Variants in RALGPS1 observed in about 807,000 individuals in gnomAD.
RALGPS1 encodes the protein ras-specific guanine nucleotide-releasing factor RalGPS1.
RALGPS1 carries 19 observed loss-of-function variants against 78.8 expected under a neutral mutation model. That is an observed-to-expected ratio of 0.24 (90% CI 0.17 to 0.35). RALGPS1 has a LOEUF of 0.35. RALGPS1 is among the 10% of genes least tolerant of loss of function. RALGPS1 has a pLI of 1.00. For missense variants in RALGPS1, 454 were observed against 688.3 expected (o/e 0.66, Z 3.81); for synonymous variants, 228 against 256.3 (o/e 0.89, Z 1.06).
intron 1 of RALGPS1, among the ~76,000 whole-genome samples, chr9:126,939,723 A>T (rs1035214840): frequency 6.6e-6 from 1 of 152,252 alleles, no homozygotes; most frequent in Non-Finnish European, 1.5e-5. Flanking sequence ...TGAGACAGAC[A>T]TAGAGGGTGA....
chr9:127,030,024 T>G (rs2046294933), intron 4 of RALGPS1, among the ~76,000 whole-genome samples: 1 of 152,226 alleles, frequency 6.6e-6, no homozygotes, highest in Non-Finnish European at 1.5e-5. Context: ...CACAGTGTCT[T>G]TGTGATAAAC....
At chr9:127,214,501 CATT>C (rs1564809820) in intron 17 of RALGPS1, among the ~76,000 whole-genome samples, 1 of 152,114 alleles carries the variant, frequency 6.6e-6, no homozygotes, top group Non-Finnish European at 1.5e-5. Flanking sequence ...CATTTGGAAA[CATT>C]ATTCTGAGGA....
At chr9:127,140,090 C>A (rs115428254) in intron 8 of RALGPS1, among the ~76,000 whole-genome samples, 1,748 of 152,232 alleles carry the variant, frequency 0.011, 39 homozygotes, top group East Asian at 0.052. Flanking sequence ...ATTGTTGTCA[C>A]CCTTATCACA....
chr9:127,028,878 A>G (rs751295322), intron 4 of RALGPS1, among the ~76,000 whole-genome samples: 11 of 152,160 alleles, frequency 7.2e-5, no homozygotes, highest in Non-Finnish European at 1.5e-4. Context: ...AGCCTGGTCC[A>G]TGTAAGTCCC....
intron 8 of RALGPS1, among the ~76,000 whole-genome samples, chr9:127,125,906 A>G (rs2056579530): frequency 6.6e-6 from 1 of 152,180 alleles, no homozygotes; most frequent in Admixed American, 6.5e-5. Context: ...CGTAAGAATG[A>G]TTTCGTGTCT....
Position 126,932,040 on chromosome 9 carries a change from A to G in RALGPS1, c.-66+17065A>G, listed in dbSNP as rs2035841629. Among the ~76,000 whole-genome samples the G allele has an allele frequency of 2.6e-5, 4 of 152,224 alleles. No individual in the cohort carries two copies. In the South Asian group the frequency reaches 8.3e-4, roughly 32 times the overall value. On this transcript the variant is annotated intron_variant, in intron 1 of 18. Coordinates refer to ENST00000259351, the MANE Select transcript of RALGPS1 (RefSeq NM_014636.3). ...CTGTTGTTAGGCTGTTACGTTGGAA[A>G]CAATACTTGGCCATGGTGGAAACCT...
intron 3 of RALGPS1, among the ~76,000 whole-genome samples, chr9:126,974,349 T>C (rs1226978190): frequency 6.6e-6 from 1 of 152,174 alleles, no homozygotes; most frequent in Non-Finnish European, 1.5e-5. Context: ...TCTTTGGAGC[T>C]GATTACTCTG....
chr9:127,002,968 G>A (rs1226547741), intron 4 of RALGPS1, among the ~76,000 whole-genome samples: 3 of 152,098 alleles, frequency 2.0e-5, no homozygotes, highest in Non-Finnish European at 4.4e-5. Flanking sequence ...ACCCAGTAAT[G>A]GGATGGCTGG....
intron 5 of RALGPS1, among the ~76,000 whole-genome samples, chr9:127,044,176 G>T (rs2047554299): frequency 6.6e-6 from 1 of 152,142 alleles, no homozygotes; most frequent in South Asian, 2.1e-4. Context: ...ATAAACCATG[G>T]TAAATCCATA....
chr9:127,082,534 A>T (rs1047914257), intron 8 of RALGPS1, among the ~76,000 whole-genome samples: 3 of 152,076 alleles, frequency 2.0e-5, no homozygotes, highest in African/African-American at 7.2e-5. Context: ...CAGATGTATT[A>T]CTGAGTGATA....
rs1440295607 is a variant in RALGPS1, at chr9:127,052,888, G to T, written c.432G>T (p.Val144=). ...ACAACCTTCATTCTCTCATGTCTGT[G>T]GTATCAGCATTACAAAGTGCTCCCA... is the stretch of plus-strand genomic sequence containing the variant. The part of the protein sequence containing the change: ...ELNNLHSLMS[V]VSALQSAPIF... The change falls in exon 7 of 19, where the codon GTG becomes GTT. Residue 144 remains valine, a synonymous_variant. Coordinates refer to ENST00000259351, the MANE Select transcript of RALGPS1 (RefSeq NM_014636.3). The T allele has an allele frequency of 6.2e-7, 1 of 1,610,844 alleles. No homozygotes were observed. Among genetic ancestry groups the T allele is most frequent in the South Asian group, 1.1e-5 (1 of 90,990 alleles).
At chr9:126,985,660 C>T (rs976576857) in intron 4 of RALGPS1, among the ~76,000 whole-genome samples, 1 of 152,158 alleles carries the variant, frequency 6.6e-6, no homozygotes, top group South Asian at 2.1e-4. Flanking sequence ...TTAACATTTT[C>T]TTGCAGTTAG....
intron 11 of RALGPS1, among the ~76,000 whole-genome samples, chr9:127,190,811 G>A (rs2060987064): frequency 6.6e-6 from 1 of 152,186 alleles, no homozygotes; most frequent in South Asian, 2.1e-4. Flanking sequence ...CCTTTATTCA[G>A]CACTGCTCAT....
chr9:126,950,939 AAAG>A (rs1163545235), intron 1 of RALGPS1, among the ~76,000 whole-genome samples: 4 of 152,156 alleles, frequency 2.6e-5, no homozygotes, highest in Non-Finnish European at 4.4e-5. Flanking sequence ...ATAAAGAAAA[AAAG>A]AGAGAAGAAT....
At chr9:127,037,627 C>T (rs986807258) in intron 5 of RALGPS1, among the ~76,000 whole-genome samples, 3 of 152,240 alleles carry the variant, frequency 2.0e-5, no homozygotes, top group Non-Finnish European at 2.9e-5. Context: ...CCAGGTTCTG[C>T]TTTCCTCTGA....
At chr9:127,193,865 C>T (rs2061210829) in intron 11 of RALGPS1, among the ~76,000 whole-genome samples, 1 of 152,218 alleles carries the variant, frequency 6.6e-6, no homozygotes, top group Non-Finnish European at 1.5e-5. Flanking sequence ...CCCCCAGGGC[C>T]TGACCCAGAT....
At chr9:127,046,576 C>T (rs1193845246) in intron 5 of RALGPS1, among the ~76,000 whole-genome samples, 1 of 150,624 alleles carries the variant, frequency 6.6e-6, no homozygotes, top group African/African-American at 2.4e-5. Context: ...CAATATATGA[C>T]TCACAACATG....
chr9:126,958,126 T>TAAAAAAAAAA (rs11290290), intron 1 of RALGPS1, among the ~76,000 whole-genome samples: 38 of 77,550 alleles, frequency 4.9e-4, no homozygotes, highest in East Asian at 8.6e-4. Context: ...GCTGTCTCTT[T>TAAAAAAAAAA]AAAAAAAAAA....
chr9:127,189,748 G>C (rs937565097), intron 11 of RALGPS1, among the ~76,000 whole-genome samples: 3 of 152,094 alleles, frequency 2.0e-5, no homozygotes, highest in Admixed American at 6.6e-5. Context: ...CTCTCAGGAG[G>C]GACCCCACAG....
Sources: allele counts gnomAD v4.1 joint callset (sites outside exome capture counted in the v4.1 genomes callset), GRCh38; gene constraint gnomAD v4.1.1; transcripts MANE v1.5; gene names NCBI Gene and HGNC (gene_info 2026-07-23, HGNC 2026-07-21).